PARP16: variants seen among roughly 807,000 people sequenced by gnomAD.
PARP16 encodes protein mono-ADP-ribosyltransferase PARP16.
PARP16 carries 31 observed loss-of-function variants against 35.0 expected under a neutral mutation model. That is an observed-to-expected ratio of 0.88 (90% CI 0.66 to 1.19). PARP16 has a LOEUF of 1.19. Among genes scored for constraint, PARP16 ranks in the 50% most tolerant of loss-of-function variants. PARP16 has a pLI of 0.00. For missense variants in PARP16, 424 were observed against 411.2 expected (o/e 1.03, Z -0.27); for synonymous variants, 162 against 169.5 (o/e 0.96, Z 0.34).
At chr15:65,252,931 C>T (rs950671008) in intron 2 of PARP16, among the ~76,000 whole-genome samples, 1 of 152,108 alleles carries the variant, frequency 6.6e-6, no homozygotes, top group African/African-American at 2.4e-5. Flanking sequence ...GAGTTTGAGA[C>T]CAGCCTGGCC....
At chr15:65,254,555 G>A (rs1024246542), downstream of PARP16, among the ~76,000 whole-genome samples, 4 of 152,104 alleles carry the variant, frequency 2.6e-5, no homozygotes, top group African/African-American at 2.4e-5. Flanking sequence ...GTAGAGAGGA[G>A]GGGAGCGGGG....
rs2090297607 is a variant in PARP16, at chr15:65,277,669, G to T, written c.175-6597C>A. ...TATGAAGCCAGGTGGCCCGACTCCA[G>T]AGTCTATTCTCCTGCCATACACTCC... On this transcript the variant is annotated intron_variant, in intron 1 of 5. Coordinates refer to ENST00000649807, the MANE Select transcript of PARP16 (RefSeq NM_001316943.2). Among the ~76,000 whole-genome samples the T allele has an allele frequency of 2.0e-5, 3 of 152,312 alleles. No homozygotes were observed. The South Asian group carries it at 6.2e-4, about 32-fold the overall frequency.
intron 3 of PARP16, 26 bp downstream of exon 3, chr15:65,266,536 T>G: frequency 6.4e-7 from 1 of 1,566,376 alleles, no homozygotes; most frequent in Non-Finnish European, 8.8e-7. Flanking sequence ...CTTCCCCACA[T>G]CAGCAGGGTG....
chr15:65,271,970 C>T (rs1184202423), intron 1 of PARP16, among the ~76,000 whole-genome samples: 1 of 152,194 alleles, frequency 6.6e-6, no homozygotes, highest in African/African-American at 2.4e-5. Context: ...TTGGGTTTCC[C>T]AGAGTGTGAC....
At chr15:65,282,833 G>A (rs1005236648) in intron 1 of PARP16, among the ~76,000 whole-genome samples, 2 of 152,190 alleles carry the variant, frequency 1.3e-5, no homozygotes, top group Non-Finnish European at 2.9e-5. Flanking sequence ...AAGGGAGAAG[G>A]GGGAGGATGG....
At chr15:65,261,880 A>G (rs2089731111) in intron 4 of PARP16, among the ~76,000 whole-genome samples, 1 of 152,244 alleles carries the variant, frequency 6.6e-6, no homozygotes, top group African/African-American at 2.4e-5. Context: ...TTAATAGCAC[A>G]AAAAAGTTCT....
intron 1 of PARP16, among the ~76,000 whole-genome samples, chr15:65,273,258 CAGAG>C (rs2090144622): frequency 1.2e-5 from 1 of 82,172 alleles, no homozygotes; most frequent in Non-Finnish European, 2.7e-5. Flanking sequence ...AGCCTGGTGA[CAGAG>C]AGAGACTCTG....
At chr15:65,281,247 T>C (rs2090414856) in intron 1 of PARP16, among the ~76,000 whole-genome samples, 1 of 152,180 alleles carries the variant, frequency 6.6e-6, no homozygotes, top group Admixed American at 6.5e-5. Context: ...CCAAGAATGT[T>C]ACAGGTTCTC....
chr15:65,286,480 G>A lies in PARP16; in HGVS notation c.-54C>T. The A allele has an allele frequency of 1.5e-6, 2 of 1,333,786 alleles. No homozygotes were observed. Among genetic ancestry groups the A allele is most frequent in the South Asian group, 3.3e-5 (2 of 60,988 alleles). The allele number at this position is 1,333,786 out of a possible 1,614,324, so 82.6% of individuals were successfully genotyped here. ...ACGCGCTGGTTAGGGGCAAGGGCGA[G>A]CGTGCGTTCAGCGCGGGGGCTGGGC... On this transcript the variant is annotated 5_prime_UTR_variant, in exon 1 of 6. Coordinates refer to ENST00000649807, the MANE Select transcript of PARP16 (RefSeq NM_001316943.2).
intron 2 of PARP16, among the ~76,000 whole-genome samples, 196 bp from the exon 3 acceptor site, chr15:65,266,964 G>A (rs1181553805): frequency 2.0e-5 from 3 of 152,082 alleles, no homozygotes; most frequent in Non-Finnish European, 2.9e-5. Flanking sequence ...TTTCCCGGTC[G>A]GGTGTGGTGG....
Position 65,282,081 on chromosome 15 carries a change from G to A in PARP16, c.174+4172C>T, listed in dbSNP as rs148919017. On this transcript the variant is annotated intron_variant, in intron 1 of 5. Coordinates refer to ENST00000649807, the MANE Select transcript of PARP16 (RefSeq NM_001316943.2). ...GAATGGAGTGCAGTGGCACAATCAC[G>A]GCCCACTACAGCCTTGACCTCCTGG... Among the ~76,000 whole-genome samples the A allele has an allele frequency of 1.1e-3, 168 of 152,230 alleles. 2 individuals are homozygous for A. The highest frequency in any genetic ancestry group is 9.1e-3 in the East Asian group (47 of 5,184).
Position 65,283,272 on chromosome 15 carries a change from A to AT in PARP16, c.174+2980dup, listed in dbSNP as rs1033830770. Among the ~76,000 whole-genome samples the AT allele has an allele frequency of 2.5e-3, 379 of 149,858 alleles. 4 individuals carry two copies. Among genetic ancestry groups the AT allele is most frequent in the African/African-American group, 8.0e-3 (329 of 40,904 alleles). ...GACAACGTTGTGAGACCCCATCTCA[A>AT]TTTTTTTTTTTAAAAAAAGCTGCAT... On this transcript the variant is annotated intron_variant, in intron 1 of 5. Coordinates refer to ENST00000649807, the MANE Select transcript of PARP16 (RefSeq NM_001316943.2).
At chr15:65,260,459 A>C (rs2089671506) in intron 5 of PARP16, among the ~76,000 whole-genome samples, 1 of 152,160 alleles carries the variant, frequency 6.6e-6, no homozygotes, top group South Asian at 2.1e-4. Flanking sequence ...AGGTCCAGAG[A>C]GGGGCAGTCA....
chr15:65,240,447 C>T (rs1220252330), intron 3 of PARP16, among the ~76,000 whole-genome samples: 1 of 151,990 alleles, frequency 6.6e-6, no homozygotes, highest in Non-Finnish European at 1.5e-5. Flanking sequence ...TGGTCTCAAA[C>T]TCCTGAACTC....
chr15:65,279,203 T>C (rs1296302114), intron 1 of PARP16, among the ~76,000 whole-genome samples: 2 of 142,274 alleles, frequency 1.4e-5, no homozygotes, highest in Admixed American at 7.4e-5. Context: ...GTGATGAAGA[T>C]AATACTAAAA....
At chr15:65,272,334 C>T (rs756720104) in intron 1 of PARP16, among the ~76,000 whole-genome samples, 14 of 152,294 alleles carry the variant, frequency 9.2e-5, no homozygotes, top group Non-Finnish European at 8.8e-5. Flanking sequence ...CAGGAAGAAT[C>T]GGAATCCTGA....
chr15:65,249,829 C>T (rs2089306677), intron 2 of PARP16, among the ~76,000 whole-genome samples: 1 of 152,216 alleles, frequency 6.6e-6, no homozygotes, highest in South Asian at 2.1e-4. Flanking sequence ...CCTCTGGGCT[C>T]ACCTCCTGGG....
At chr15:65,273,856 A>C (rs2090166524) in intron 1 of PARP16, among the ~76,000 whole-genome samples, 1 of 146,054 alleles carries the variant, frequency 6.8e-6, no homozygotes, top group Non-Finnish European at 1.5e-5. Flanking sequence ...AGCCTGGGCA[A>C]CAATAGCAAA....
chr15:65,248,020 G>A, intron 3 of PARP16: 2 of 368,502 alleles, frequency 5.4e-6, no homozygotes, highest in South Asian at 4.1e-5. Context: ...TAGCCAGGAT[G>A]GTCTCGATCT....
Sources: allele counts gnomAD v4.1 joint callset (sites outside exome capture counted in the v4.1 genomes callset), GRCh38; gene constraint gnomAD v4.1.1; transcripts MANE v1.5; gene names NCBI Gene and HGNC (gene_info 2026-07-23, HGNC 2026-07-21).